The following GRID2 variants were observed in gnomAD, a reference collection of about 807,000 sequenced individuals.
GRID2 encodes the protein glutamate receptor ionotropic, delta-2.
GRID2 carries 33 observed loss-of-function variants against 114.8 expected under a neutral mutation model. That is an observed-to-expected ratio of 0.29 (90% CI 0.22 to 0.38). The LOEUF is 0.38. GRID2 is among the 10% of genes least tolerant of loss of function. The pLI is 1.00. For missense variants in GRID2, 1,184 were observed against 1,257.7 expected (o/e 0.94, Z 0.89); for synonymous variants, 505 against 449.9 (o/e 1.12, Z -1.55).
intron 4 of GRID2, among the ~76,000 whole-genome samples, chr4:93,202,882 T>C (rs904203057): frequency 8.5e-5 from 13 of 152,128 alleles, no homozygotes; most frequent in African/African-American, 3.1e-4. Context: ...CTACTTCTAC[T>C]GGAGTTTTAA....
In GRID2 at chr4:93,729,889, G is replaced by A. The variant is rs202083198; in HGVS notation, c.2361-39321G>A. On this transcript the variant is annotated intron_variant, in intron 14 of 15. Coordinates refer to ENST00000282020, the MANE Select transcript of GRID2 (RefSeq NM_001510.4). ...TGTATAATTAAATGGTTCAGCTTCAGCATCTATCTCTGAAATTGTGGACAT... is the reference window on the plus strand; with the variant it reads ...TGTATAATTAAATGGTTCAGCTTCAACATCTATCTCTGAAATTGTGGACAT... Among the ~76,000 whole-genome samples, 10 of 152,260 alleles carry A rather than the reference G, an allele frequency of 6.6e-5. No individual in the cohort carries two copies. The East Asian group carries it at 1.9e-3, about 29-fold the overall frequency.
At chr4:93,259,461 G>T (rs1397036519) in intron 8 of GRID2, among the ~76,000 whole-genome samples, 1 of 151,622 alleles carries the variant, frequency 6.6e-6, no homozygotes, top group Non-Finnish European at 1.5e-5. Flanking sequence ...GATTTCACAG[G>T]TGCATATATA....
chr4:93,554,676 A>T (rs1472194254), intron 13 of GRID2, among the ~76,000 whole-genome samples: 2 of 152,060 alleles, frequency 1.3e-5, no homozygotes, highest in Non-Finnish European at 2.9e-5. Flanking sequence ...ATCCTAGCTT[A>T]CTCTAACCTC....
intron 2 of GRID2, among the ~76,000 whole-genome samples, chr4:92,614,759 T>A (rs946429693): frequency 1.3e-5 from 2 of 151,640 alleles, no homozygotes; most frequent in African/African-American, 4.8e-5. Flanking sequence ...CCTTGCTGAT[T>A]TCTTACCTAT....
chr4:92,376,722 G>A (rs561385731), intron 1 of GRID2, among the ~76,000 whole-genome samples: 71 of 152,256 alleles, frequency 4.7e-4, no homozygotes, highest in African/African-American at 1.7e-3. Context: ...CTAGGCAGAG[G>A]TTCCCAAACC....
At position 92,590,127 on chromosome 4, in the gene GRID2, C is replaced by T. The variant is rs74759637; in HGVS notation, c.89-4C>T. On this transcript the variant is annotated splice_region_variant and splice_polypyrimidine_tract_variant and intron_variant, in intron 1 of 15. Coordinates refer to ENST00000282020, the MANE Select transcript of GRID2 (RefSeq NM_001510.4). ...ATTTAATGGCAAAATTCACTTCTTT[C>T]TAGGAGCAATTTTTGATGAATCTGC... 349 of 1,603,424 alleles carry T rather than the reference C, an allele frequency of 2.2e-4. 1 individual carries two copies. Among genetic ancestry groups the T allele is most frequent in the Middle Eastern group, 6.6e-4 (4 of 6,040 alleles).
At chr4:92,537,132 TC>T (rs1463445061) in intron 1 of GRID2, among the ~76,000 whole-genome samples, 33 of 152,312 alleles carry the variant, frequency 2.2e-4, no homozygotes, top group African/African-American at 7.5e-4. Flanking sequence ...ATGATAATGT[TC>T]TATTTTTAAA....
intron 2 of GRID2, among the ~76,000 whole-genome samples, chr4:92,652,603 G>GGATTGCTTTTTTTCTAAGTTGGCGT (rs1193361354): frequency 3.3e-5 from 5 of 149,578 alleles, no homozygotes; most frequent in Non-Finnish European, 5.9e-5. Context: ...GATTGCTTGA[G>GGATTGCTTTTTTTCTAAGTTGGCGT]CCTGGAAAGT....
At chr4:92,408,042 T>G (rs1271563997) in intron 1 of GRID2, among the ~76,000 whole-genome samples, 1 of 152,184 alleles carries the variant, frequency 6.6e-6, no homozygotes, top group African/African-American at 2.4e-5. Flanking sequence ...CTAGGTTTTC[T>G]TTTAGGATTG....
chr4:93,158,453 G>A (rs1737376815), intron 4 of GRID2, among the ~76,000 whole-genome samples: 1 of 151,698 alleles, frequency 6.6e-6, no homozygotes, highest in African/African-American at 2.4e-5. Flanking sequence ...AAAGAGAAAG[G>A]AGAAGGTTGA....
chr4:92,439,075 G>A lies in GRID2; in HGVS notation c.88+134331G>A, dbSNP rs184347703. On this transcript the variant is annotated intron_variant, in intron 1 of 15. Coordinates refer to ENST00000282020, the MANE Select transcript of GRID2 (RefSeq NM_001510.4). ...AGAGTCAGCGAAGGGAGATAAGGGT[G>A]GGGCCGTTTTACAGGATTTGGGTAG... Among the ~76,000 whole-genome samples the A allele has an allele frequency of 1.5e-3, 223 of 152,170 alleles. 1 individual carries two copies. The highest frequency in any genetic ancestry group is 5.0e-3 in the African/African-American group (209 of 41,506).
chr4:92,735,805 T>G (rs1736564789), intron 2 of GRID2, among the ~76,000 whole-genome samples: 1 of 152,100 alleles, frequency 6.6e-6, no homozygotes, highest in African/African-American at 2.4e-5. Context: ...CTTAGGTCAC[T>G]TGATAGTACT....
At chr4:92,646,948 A>G (rs1418344418) in intron 2 of GRID2, among the ~76,000 whole-genome samples, 1 of 144,730 alleles carries the variant, frequency 6.9e-6, no homozygotes, top group Non-Finnish European at 1.5e-5. Flanking sequence ...CAGGTGTTGT[A>G]CTTGGATTTA....
intron 1 of GRID2, among the ~76,000 whole-genome samples, chr4:92,384,604 A>G (rs1264393830): frequency 3.8e-5 from 2 of 52,692 alleles, no homozygotes; most frequent in African/African-American, 1.3e-4. Context: ...ATAACATAAT[A>G]TATAATATAT....
chr4:92,908,054 T>C (rs149245982), intron 2 of GRID2, among the ~76,000 whole-genome samples: 2 of 152,130 alleles, frequency 1.3e-5, no homozygotes, highest in African/African-American at 4.8e-5. Flanking sequence ...TTGATTTTCC[T>C]TATTATCTAA....
intron 2 of GRID2, among the ~76,000 whole-genome samples, chr4:92,600,260 C>T (rs1476927163): frequency 6.6e-6 from 1 of 151,148 alleles, no homozygotes; most frequent in East Asian, 1.9e-4. Flanking sequence ...CTGAAGTGGT[C>T]TCATGTACTC....
chr4:92,472,124 G>A (rs1278167547), intron 1 of GRID2, among the ~76,000 whole-genome samples: 1 of 83,130 alleles, frequency 1.2e-5, no homozygotes, highest in Non-Finnish European at 2.5e-5. Context: ...TAGTAGAGAC[G>A]GGGTTTCACC....
chr4:92,948,361 G>A (rs1449653556), intron 2 of GRID2, among the ~76,000 whole-genome samples: 1 of 151,712 alleles, frequency 6.6e-6, no homozygotes, highest in Non-Finnish European at 1.5e-5. Flanking sequence ...TCCTGTCAAA[G>A]CAGAAAAATA....
chr4:93,088,761 A>G (rs1010379583), intron 3 of GRID2, among the ~76,000 whole-genome samples: 2 of 152,142 alleles, frequency 1.3e-5, no homozygotes, highest in African/African-American at 4.8e-5. Context: ...AGCTCTGTGA[A>G]GTAAGAACTT....
Sources: allele counts gnomAD v4.1 joint callset (sites outside exome capture counted in the v4.1 genomes callset), GRCh38; gene constraint gnomAD v4.1.1; transcripts MANE v1.5; gene names NCBI Gene and HGNC (gene_info 2026-07-23, HGNC 2026-07-21).